The following SLC66A3 variants were observed in gnomAD, a reference collection of about 807,000 sequenced individuals.
SLC66A3 encodes the protein PQ loop repeat containing 3.
In SLC66A3, 23 loss-of-function variants were observed where a neutral mutation model predicts 25.5. The ratio of observed to expected loss-of-function variants is 0.90; its 90% CI spans 0.65 to 1.28. The LOEUF is 1.28. SLC66A3 is among the 50% of genes most tolerant of loss of function. SLC66A3 has a pLI of 0.00. For missense variants in SLC66A3, 246 were observed against 262.1 expected (o/e 0.94, Z 0.42); for synonymous variants, 108 against 112.6 (o/e 0.96, Z 0.26).
intron 6 of SLC66A3, among the ~76,000 whole-genome samples, chr2:11,176,252 G>A (rs940822443): frequency 6.6e-6 from 1 of 152,234 alleles, no homozygotes; most frequent in Non-Finnish European, 1.5e-5. Flanking sequence ...TTCTCACTCT[G>A]TCGCCCAGGC....
chr2:11,161,895 C>A (rs1353900773), intron 3 of SLC66A3, among the ~76,000 whole-genome samples: 2 of 152,200 alleles, frequency 1.3e-5, no homozygotes, highest in African/African-American at 4.8e-5. Context: ...GCTGTTTCTT[C>A]CCATGCCCTC....
intron 1 of SLC66A3, among the ~76,000 whole-genome samples, chr2:11,160,097 G>A (rs529350796): frequency 1.4e-4 from 21 of 152,284 alleles, no homozygotes; most frequent in Middle Eastern, 3.4e-3. Flanking sequence ...GGCAGCTGCC[G>A]GGGTCAGTGG....
rs767649813 is a variant in SLC66A3, at chr2:11,160,448, G to A, written c.144-18G>A. On this transcript the variant is annotated intron_variant, in intron 1 of 6. Transcript: ENST00000295083. Reference sequence around the variant, plus strand: ...CGTTTTGGGGCAGCCGTGTGGACATGTGCCCTTCTCTCTCCAGATTCCTGG... The same window carrying A: ...CGTTTTGGGGCAGCCGTGTGGACATATGCCCTTCTCTCTCCAGATTCCTGG... 3.4e-5 allele frequency: 54 copies of A among 1,611,526 alleles called. No homozygotes were observed. Among genetic ancestry groups the A allele is most frequent in the Non-Finnish European group, 4.2e-6 (5 of 1,177,834 alleles).
In SLC66A3 at chr2:11,177,906, T is replaced by G. The variant is rs942291881; in HGVS notation, c.*78T>G. On this transcript the variant is annotated 3_prime_UTR_variant, in exon 7 of 7. Transcript: ENST00000295083. Reference sequence around the variant, plus strand: ...AAAGAAGCTCTTTGCTAAATTAAGGTCTTTTATAAATTTAGTAAATCAGTT... The same window carrying G: ...AAAGAAGCTCTTTGCTAAATTAAGGGCTTTTATAAATTTAGTAAATCAGTT... The G allele has an allele frequency of 1.2e-5, 11 of 891,910 alleles. No homozygotes were observed. Among genetic ancestry groups the G allele is most frequent in the Non-Finnish European group, 1.9e-5 (11 of 565,082 alleles). The allele number at this position is 891,910 out of a possible 1,614,324, so 55.2% of individuals were successfully genotyped here.
At chr2:11,166,901 C>G (rs1211845321) in intron 4 of SLC66A3, among the ~76,000 whole-genome samples, 1 of 151,966 alleles carries the variant, frequency 6.6e-6, no homozygotes, top group Non-Finnish European at 1.5e-5. Flanking sequence ...TCTCAAAAAA[C>G]AAACAAAATA....
At chr2:11,168,647 T>G (rs1407921821) in intron 4 of SLC66A3, among the ~76,000 whole-genome samples, 2 of 152,002 alleles carry the variant, frequency 1.3e-5, no homozygotes, top group Non-Finnish European at 2.9e-5. Context: ...GTGCGAGCCC[T>G]CCCCTGCAGT....
chr2:11,165,074 G>A lies in SLC66A3; in HGVS notation c.354+813G>A, dbSNP rs1202630279. 5.3e-5 allele frequency among the ~76,000 whole-genome samples: 8 copies of A among 152,226 alleles called. No individual in the cohort carries two copies. In the South Asian group the frequency reaches 6.2e-4, roughly 12 times the overall value. ...ACACCTCCCAGACGGGGTGGCGGCCGGGCAGAGGGGTCCTCACTTCCCAGA... is the reference window on the plus strand; with the variant it reads ...ACACCTCCCAGACGGGGTGGCGGCCAGGCAGAGGGGTCCTCACTTCCCAGA... On this transcript the variant is annotated intron_variant, in intron 4 of 6. Coordinates refer to ENST00000295083, the MANE Select transcript of SLC66A3 (RefSeq NM_152391.5).
rs374482579 is a variant in SLC66A3 at position 11,158,372 on chromosome 2, A to G, written c.144-2094A>G. ...ATCTCTACTAAAAACACAAAAATTAACCAGTGTAGGCTGGGTGCAGTGGCT... is the reference window on the plus strand; with the variant it reads ...ATCTCTACTAAAAACACAAAAATTAGCCAGTGTAGGCTGGGTGCAGTGGCT... On this transcript the variant is annotated intron_variant, in intron 1 of 6. Transcript: ENST00000295083. 7.0e-3 allele frequency among the ~76,000 whole-genome samples: 1,065 copies of G among 152,102 alleles called. 13 individuals carry two copies. Among genetic ancestry groups the G allele is most frequent in the African/African-American group, 0.024 (1,008 of 41,504 alleles).
Position 11,178,051 on chromosome 2 carries a change from A to ACATCTG in SLC66A3, c.*226_*231dup, listed in dbSNP as rs1558263042. 2.2e-6 allele frequency: 1 copy of ACATCTG among 451,834 alleles called. No individual in the cohort carries two copies. The highest frequency in any genetic ancestry group is 3.9e-6 in the Non-Finnish European group (1 of 255,530). The allele number at this position is 451,834 out of a possible 1,614,324, so 28.0% of individuals were successfully genotyped here. On this transcript the variant is annotated 3_prime_UTR_variant, in exon 7 of 7. Coordinates refer to ENST00000295083, the MANE Select transcript of SLC66A3 (RefSeq NM_152391.5). ...TTCGTTAGGTTATGGTAGTGCTCAG[A>ACATCTG]CATCTGCAGTGTTGAGGCCAGTCAC... is the stretch of plus-strand genomic sequence containing the variant.
In SLC66A3 at chr2:11,178,009, G is replaced by A. The variant is rs1455844297; in HGVS notation, c.*181G>A. ...AATTCTTGTTTAAAAATACCAATTT[G>A]CCTCCTCCTTCCTCACTTCGTTAGG... On this transcript the variant is annotated 3_prime_UTR_variant, in exon 7 of 7. Coordinates refer to ENST00000295083, the MANE Select transcript of SLC66A3 (RefSeq NM_152391.5). The A allele has an allele frequency of 1.8e-6, 1 of 566,052 alleles. No homozygotes were observed. The allele number at this position is 566,052 out of a possible 1,614,324, so 35.1% of individuals were successfully genotyped here. A position where few individuals can be genotyped will look rare whatever the true frequency, so the allele number is the denominator to read the frequency against.
At chr2:11,173,815 T>A (rs565335583) in intron 5 of SLC66A3, among the ~76,000 whole-genome samples, 1 of 152,300 alleles carries the variant, frequency 6.6e-6, no homozygotes, top group Non-Finnish European at 1.5e-5. Context: ...TTCCTAAATG[T>A]TTACTAAGTA....
chr2:11,172,729 T>A lies in SLC66A3; in HGVS notation c.475+684T>A, dbSNP rs115898458. On this transcript the variant is annotated intron_variant, in intron 5 of 6. Transcript: ENST00000295083. ...TAATTATGTCTTAAAATCAAGACTTTCTTTCTTTTTTCCTTTGACAGGGTC... is the reference window on the plus strand; with the variant it reads ...TAATTATGTCTTAAAATCAAGACTTACTTTCTTTTTTCCTTTGACAGGGTC... 1,349 of 421,202 alleles carry A rather than the reference T, an allele frequency of 3.2e-3. 15 individuals are homozygous for A. Among genetic ancestry groups the A allele is most frequent in the African/African-American group, 0.024 (1,190 of 48,746 alleles). 26.1% of individuals were successfully genotyped at this position (421,202 alleles called of 1,614,324 possible). A position where few individuals can be genotyped will look rare whatever the true frequency, so the allele number is the denominator to read the frequency against.
intron 6 of SLC66A3, among the ~76,000 whole-genome samples, chr2:11,175,594 C>G (rs1018807244): frequency 6.6e-6 from 1 of 152,180 alleles, no homozygotes; most frequent in African/African-American, 2.4e-5. Context: ...CCAGGGCCTA[C>G]AAGAACTGCC....
intron 6 of SLC66A3, among the ~76,000 whole-genome samples, chr2:11,176,601 T>TC (rs34948660): frequency 0.24 from 31,774 of 129,958 alleles, 4,393 homozygotes; most frequent in East Asian, 0.55. Context: ...GGATCTCGGC[T>TC]CACTGCAAGC....
At chr2:11,156,787 G>A (rs1558247205) in intron 1 of SLC66A3, among the ~76,000 whole-genome samples, 1 of 152,170 alleles carries the variant, frequency 6.6e-6, no homozygotes, top group African/African-American at 2.4e-5. Flanking sequence ...TGGGGAGGGG[G>A]GGGTCCCAGG....
chr2:11,171,988 A>C lies in SLC66A3; in HGVS notation c.418A>C (p.Arg140=), dbSNP rs780944170. ...ACAGCTCCAGTGTCTGTGGAAGACGAGAGACTCAGGAACTGTGAGTGCGCT... is the reference window on the plus strand; with the variant it reads ...ACAGCTCCAGTGTCTGTGGAAGACGCGAGACTCAGGAACTGTGAGTGCGCT... The part of the protein sequence containing the change: ...FAQLQCLWKT[R]DSGTVSALTW... The change falls in exon 5 of 7, where the codon AGA becomes CGA. Residue 140 remains arginine (R), a synonymous_variant. Transcript: ENST00000295083. The C allele has an allele frequency of 3.1e-6, 5 of 1,614,112 alleles. No individual in the cohort carries two copies. Among genetic ancestry groups the C allele is most frequent in the Non-Finnish European group, 4.2e-6 (5 of 1,179,972 alleles).
In SLC66A3 at chr2:11,163,057, A is replaced by T. The variant is rs77136089; in HGVS notation, c.297-1147A>T. Among the ~76,000 whole-genome samples, 1,001 of 152,294 alleles carry T rather than the reference A, an allele frequency of 6.6e-3. 6 individuals are homozygous for T. Among genetic ancestry groups the T allele is most frequent in the African/African-American group, 0.023 (967 of 41,550 alleles). ...AGTTTGAGACTAGCCTGGGCAACAT[A>T]GTGGGATTCCCTAGCGCTCCAAAAA... On this transcript the variant is annotated intron_variant, in intron 3 of 6. Transcript: ENST00000295083.
chr2:11,171,894 C>A, intron 4 of SLC66A3, 31 bp from the exon 5 acceptor site: 1 of 1,612,196 alleles, frequency 6.2e-7, no homozygotes, highest in South Asian at 1.1e-5. Context: ...CAAATCGACT[C>A]GTGACTTTCT....
chr2:11,166,002 C>T (rs913691694), intron 4 of SLC66A3, among the ~76,000 whole-genome samples: 6 of 152,068 alleles, frequency 3.9e-5, no homozygotes, highest in Admixed American at 6.5e-5. Context: ...AGAGGGAGAC[C>T]GTGGAAAGAG....
Sources: allele counts gnomAD v4.1 joint callset (sites outside exome capture counted in the v4.1 genomes callset), GRCh38; gene constraint gnomAD v4.1.1; transcripts MANE v1.5; gene names NCBI Gene and HGNC (gene_info 2026-07-23, HGNC 2026-07-21).